Variants in WDR37 observed in about 807,000 individuals in gnomAD.
WDR37 encodes WD repeat-containing protein 37.
Under a neutral mutation model 62.9 loss-of-function variants are expected in WDR37, and 19 were observed. The observed-to-expected ratio is 0.30, with a 90% CI of 0.21 to 0.44. The LOEUF (loss-of-function observed/expected upper bound fraction) is 0.44. WDR37 is among the 20% of genes least tolerant of loss of function. The probability of loss-of-function intolerance (pLI) is 1.00; values close to 1 mark genes in which losing one functional copy is unlikely to be tolerated. For missense variants in WDR37, 474 were observed against 657.6 expected (o/e 0.72, Z 3.05); for synonymous variants, 250 against 260.9 (o/e 0.96, Z 0.40).
At chr10:1,077,000 GAA>G (rs79171648) in intron 2 of WDR37, among the ~76,000 whole-genome samples, 9 of 92,830 alleles carry the variant, frequency 9.7e-5, no homozygotes, top group Non-Finnish European at 1.1e-4. Flanking sequence ...ACTCTGTCTC[GAA>G]AAAAAAAAAA....
chr10:1,084,362 T>C, intron 5 of WDR37, 41 bp from the exon 6 acceptor site: 1 of 1,589,142 alleles, frequency 6.3e-7, no homozygotes, highest in Non-Finnish European at 8.6e-7. Context: ...AAAAATTTAC[T>C]TCAGTAAATT....
intron 5 of WDR37, among the ~76,000 whole-genome samples, chr10:1,081,395 T>C (rs577582152): frequency 6.6e-6 from 1 of 152,252 alleles, no homozygotes; most frequent in Non-Finnish European, 1.5e-5. Context: ...GTGATCTTGC[T>C]ATGATGGTGT....
At chr10:1,109,466 C>T (rs1402833855) in intron 11 of WDR37, among the ~76,000 whole-genome samples, 2 of 152,232 alleles carry the variant, frequency 1.3e-5, no homozygotes, top group African/African-American at 4.8e-5. Context: ...GTGGCTCACG[C>T]CTGTAATCCC....
chr10:1,115,031 T>G (rs1324939447), intron 11 of WDR37, among the ~76,000 whole-genome samples: 3 of 103,368 alleles, frequency 2.9e-5, no homozygotes, highest in Admixed American at 1.1e-4. Context: ...CCCTTTTTTG[T>G]TTTTTTTTTT....
chr10:1,079,639 A>G (rs1833969583), intron 3 of WDR37, among the ~76,000 whole-genome samples: 2 of 151,664 alleles, frequency 1.3e-5, no homozygotes, highest in Admixed American at 1.3e-4. Context: ...GGTTCAAGCA[A>G]TTCTCCTGCC....
intron 6 of WDR37, among the ~76,000 whole-genome samples, chr10:1,085,357 C>T (rs1834167467): frequency 6.6e-6 from 1 of 152,142 alleles, no homozygotes; most frequent in African/African-American, 2.4e-5. Flanking sequence ...AGTTGAGGGA[C>T]AGTAGTTTGG....
At chr10:1,066,240 T>C (rs1366459933) in intron 1 of WDR37, among the ~76,000 whole-genome samples, 10 of 152,140 alleles carry the variant, frequency 6.6e-5, no homozygotes, top group Non-Finnish European at 1.5e-4. Context: ...CTCAGCCTCC[T>C]GAGTATCTGG....
chr10:1,067,365 G>C (rs2127605), intron 1 of WDR37, among the ~76,000 whole-genome samples: 60,460 of 151,972 alleles, frequency 0.4, 12,917 homozygotes, highest in East Asian at 0.53. Context: ...AGGAGAAAAT[G>C]TTTGGCCCCT....
At chr10:1,095,134 G>GA (rs1834530367) in intron 8 of WDR37, among the ~76,000 whole-genome samples, 1 of 132,586 alleles carries the variant, frequency 7.5e-6, no homozygotes, top group African/African-American at 2.9e-5. Context: ...GAGAGAGGAG[G>GA]GTTAGACTGG....
At chr10:1,084,565 C>T (rs760476514) in intron 6 of WDR37, 27 bp downstream of exon 6, 23 of 1,604,538 alleles carry the variant, frequency 1.4e-5, no homozygotes, top group Middle Eastern at 1.7e-4. Context: ...CCTGGCCAGC[C>T]TGCGGAAGCA....
At chr10:1,079,415 A>G (rs1205100360) in intron 3 of WDR37, among the ~76,000 whole-genome samples, 1 of 150,690 alleles carries the variant, frequency 6.6e-6, no homozygotes, top group African/African-American at 2.5e-5. Context: ...TGCAGAATCA[A>G]TCACTATGGA....
chr10:1,132,309 G>A lies in WDR37; in HGVS notation c.*2965G>A, dbSNP rs1835963619. The A allele has an allele frequency of 6.6e-6, 1 of 152,140 alleles. No individual in the cohort carries two copies. The highest frequency in any genetic ancestry group is 1.5e-5 in the Non-Finnish European group (1 of 68,030). The allele number at this position is 152,140 out of a possible 1,614,324, so 9.4% of individuals were successfully genotyped here. On this transcript the variant is annotated 3_prime_UTR_variant, in exon 14 of 14. Coordinates refer to ENST00000263150, the MANE Select transcript of WDR37 (RefSeq NM_014023.4). ...ATACTGGTCACTCGAAAAATTTTTAGACTTAAAAAGTCAGTTGTGTTTTGT... is the reference window on the plus strand; with the variant it reads ...ATACTGGTCACTCGAAAAATTTTTAAACTTAAAAAGTCAGTTGTGTTTTGT...
At position 1,087,040 on chromosome 10, in the gene WDR37, C is replaced by T. The variant is rs73578555; in HGVS notation, c.604+683C>T. On this transcript the variant is annotated intron_variant, in intron 7 of 13. Transcript: ENST00000263150. Reference sequence around the variant, plus strand: ...CAGAGGGACAGGTGTGGGTGGGGCCCGTGGCTCTGAGCGCCTGTCTGCCCG... The same window carrying T: ...CAGAGGGACAGGTGTGGGTGGGGCCTGTGGCTCTGAGCGCCTGTCTGCCCG... Among the ~76,000 whole-genome samples the T allele has an allele frequency of 4.4e-3, 673 of 152,346 alleles. 5 individuals carry two copies. The highest frequency in any genetic ancestry group is 0.014 in the African/African-American group (595 of 41,586).
At position 1,073,840 on chromosome 10, in the gene WDR37, A is replaced by T. The variant is rs1466037555; in HGVS notation, c.138+1547A>T. 5.9e-5 allele frequency among the ~76,000 whole-genome samples: 9 copies of T among 152,100 alleles called. No individual in the cohort carries two copies. The East Asian group carries it at 1.5e-3, about 26-fold the overall frequency. On this transcript the variant is annotated intron_variant, in intron 2 of 13. Transcript: ENST00000263150. ...CTTACAAGGACCCCTGTCATACTGG[A>T]GGGCCTTCCTTTATGACCTCATTTT... is the stretch of plus-strand genomic sequence containing the variant.
At chr10:1,089,578 G>C (rs1262298294) in intron 7 of WDR37, among the ~76,000 whole-genome samples, 1 of 151,974 alleles carries the variant, frequency 6.6e-6, no homozygotes, top group Non-Finnish European at 1.5e-5. Context: ...CGTTCTTCAC[G>C]CAGGTTAATT....
chr10:1,069,389 A>ATATTTTTTTTTTTTTT, intron 1 of WDR37, among the ~76,000 whole-genome samples: 1 of 95,806 alleles, frequency 1.0e-5, no homozygotes, highest in African/African-American at 4.7e-5. Flanking sequence ...ATATATATAT[A>ATATTTTTTTTTTTTTT]TTTTTTTTTT....
chr10:1,127,727 C>T (rs895040351), intron 13 of WDR37, among the ~76,000 whole-genome samples: 4 of 152,038 alleles, frequency 2.6e-5, no homozygotes, highest in African/African-American at 7.2e-5. Context: ...TGGAGGCTCA[C>T]GGAGTGTGAG....
intron 1 of WDR37, among the ~76,000 whole-genome samples, chr10:1,062,295 A>G (rs972990140): frequency 2.6e-5 from 4 of 152,248 alleles, no homozygotes; most frequent in Admixed American, 6.5e-5. Context: ...CAAAGAGAAC[A>G]CCATGCAACT....
At chr10:1,089,328 C>T (rs1177700300) in intron 7 of WDR37, among the ~76,000 whole-genome samples, 1 of 152,142 alleles carries the variant, frequency 6.6e-6, no homozygotes, top group East Asian at 1.9e-4. Context: ...GGTCTCTGTG[C>T]CTTGAGGGAG....
Sources: gnomAD v4.1 joint callset for allele counts (sites outside exome capture counted in the v4.1 genomes callset) on GRCh38, gnomAD v4.1.1 for gene constraint, MANE v1.5 for transcripts, NCBI Gene and HGNC (gene_info 2026-07-23, HGNC 2026-07-21) for gene names.